Variants in SNTG2 observed in about 807,000 individuals in gnomAD.
The protein encoded by SNTG2 is gamma-2-syntrophin.
A neutral mutation model predicts 70.9 loss-of-function variants in SNTG2; 74 were observed. That is an observed-to-expected ratio of 1.04 (90% CI 0.86 to 1.27). The LOEUF (loss-of-function observed/expected upper bound fraction) is 1.27. SNTG2 is among the 50% of genes most tolerant of loss of function. The pLI is 0.00. For synonymous variants in SNTG2, 278 were observed against 273.8 expected, an observed-to-expected ratio of 1.02 and a Z score of -0.15; for missense variants, 717 against 690.7, an observed-to-expected ratio of 1.04 and a Z score of -0.43.
chr2:954,900 C>A (rs936919818), intron 1 of SNTG2, among the ~76,000 whole-genome samples: 1 of 152,198 alleles, frequency 6.6e-6, no homozygotes, highest in African/African-American at 2.4e-5. Context: ...ATTAGAATTA[C>A]ATGTTAAAAT....
At chr2:1,172,700 CT>C (rs747907991) in intron 7 of SNTG2, among the ~76,000 whole-genome samples, 29 of 152,262 alleles carry the variant, frequency 1.9e-4, no homozygotes, top group South Asian at 4.1e-4. Context: ...TGGAAAAAAC[CT>C]TTTGAGTGGC....
At chr2:1,222,480 A>T in intron 9 of SNTG2, among the ~76,000 whole-genome samples, 1 of 141,458 alleles carries the variant, frequency 7.1e-6, no homozygotes, top group Non-Finnish European at 1.5e-5. Context: ...GGATCGCTGT[A>T]GAGGAAAGTG....
intron 1 of SNTG2, among the ~76,000 whole-genome samples, chr2:1,082,648 C>T (rs1242783847): frequency 6.6e-6 from 1 of 152,210 alleles, no homozygotes; most frequent in Non-Finnish European, 1.5e-5. Flanking sequence ...CCCTGGCTGC[C>T]ACCCCTGCTC....
intron 16 of SNTG2, among the ~76,000 whole-genome samples, chr2:1,357,189 A>G (rs1660898177): frequency 6.6e-6 from 1 of 152,140 alleles, no homozygotes; most frequent in Non-Finnish European, 1.5e-5. Flanking sequence ...TAGGATGTCT[A>G]GCGCTGTGTT....
intron 16 of SNTG2, among the ~76,000 whole-genome samples, chr2:1,356,104 T>C (rs552166061): frequency 6.6e-6 from 1 of 152,346 alleles, no homozygotes; most frequent in Admixed American, 6.5e-5. Flanking sequence ...TGATTAGATA[T>C]GGTTTGTAGG....
At chr2:1,278,949 C>T (rs1679390448) in intron 14 of SNTG2, among the ~76,000 whole-genome samples, 1 of 150,330 alleles carries the variant, frequency 6.7e-6, no homozygotes, top group Non-Finnish European at 1.5e-5. Context: ...GTGCGCGAAT[C>T]ACCCCTGTCA....
At chr2:1,150,330 GTCTGTCAC>G (rs1484935308) in intron 6 of SNTG2, among the ~76,000 whole-genome samples, 2 of 152,154 alleles carry the variant, frequency 1.3e-5, no homozygotes, top group Non-Finnish European at 2.9e-5. Flanking sequence ...CGAAAAGGCT[GTCTGTCAC>G]TCATGAGTGA....
chr2:1,119,528 C>G (rs1558423291), intron 4 of SNTG2, among the ~76,000 whole-genome samples: 1 of 148,422 alleles, frequency 6.7e-6, no homozygotes, highest in Non-Finnish European at 1.5e-5. Flanking sequence ...AGAACATAAA[C>G]TGTGGAGGAG....
At chr2:1,226,563 C>G (rs538299163) in intron 9 of SNTG2, among the ~76,000 whole-genome samples, 1 of 152,018 alleles carries the variant, frequency 6.6e-6, no homozygotes, top group African/African-American at 2.4e-5. Flanking sequence ...CTCCTGGACA[C>G]GGAAGCCTGT....
At chr2:1,214,890 T>G (rs1674279949) in intron 9 of SNTG2, among the ~76,000 whole-genome samples, 1 of 152,226 alleles carries the variant, frequency 6.6e-6, no homozygotes, top group African/African-American at 2.4e-5. Context: ...TGTTCTTTAT[T>G]GTGTTGAAGT....
At chr2:1,328,891 A>G (rs1327992017) in intron 16 of SNTG2, among the ~76,000 whole-genome samples, 3 of 147,520 alleles carry the variant, frequency 2.0e-5, no homozygotes, top group African/African-American at 7.6e-5. Context: ...ACGCATACAC[A>G]CATGCATGCA....
chr2:1,138,604 T>A (rs1478857889), intron 6 of SNTG2, among the ~76,000 whole-genome samples: 1 of 151,866 alleles, frequency 6.6e-6, no homozygotes, highest in African/African-American at 2.4e-5. Context: ...CCTGTGCTGA[T>A]AAGTGACCTG....
intron 1 of SNTG2, among the ~76,000 whole-genome samples, chr2:1,044,137 C>G (rs919552269): frequency 3.9e-5 from 6 of 151,984 alleles, no homozygotes; most frequent in South Asian, 2.1e-4. Context: ...CGCTGCCCCC[C>G]CACCCCGGTT....
rs115976356 is a variant in SNTG2 at position 1,109,362 on chromosome 2, G to A, written c.325+10952G>A. On this transcript the variant is annotated intron_variant, in intron 4 of 16. Transcript: ENST00000308624. ...AGCCAGGCTCCATATAACACACAGA[G>A]AAAGGATGATGAAAACCACATGCTG... Among the ~76,000 whole-genome samples the A allele has an allele frequency of 5.8e-3, 876 of 152,162 alleles. 13 individuals are homozygous for A. Among genetic ancestry groups the A allele is most frequent in the African/African-American group, 0.02 (842 of 41,494 alleles).
chr2:1,284,115 A>T (rs996850433), intron 14 of SNTG2, among the ~76,000 whole-genome samples: 16 of 152,170 alleles, frequency 1.1e-4, no homozygotes, highest in African/African-American at 3.6e-4. Flanking sequence ...AGCGGGCTGC[A>T]GCTGGCAATT....
At chr2:1,160,052 C>G (rs1310622261) in intron 6 of SNTG2, 2 of 152,260 alleles carry the variant, frequency 1.3e-5, no homozygotes, top group Middle Eastern at 3.4e-3. Flanking sequence ...AAGAAAGTAT[C>G]ATGTCTAACA....
intron 2 of SNTG2, among the ~76,000 whole-genome samples, chr2:1,084,914 C>A (rs1664579930): frequency 2.6e-5 from 4 of 152,210 alleles, no homozygotes; most frequent in Admixed American, 2.6e-4. Context: ...GCCCTCATGG[C>A]TCAGTCACCT....
intron 1 of SNTG2, among the ~76,000 whole-genome samples, chr2:1,071,924 G>A (rs1401198300): frequency 1.3e-5 from 2 of 152,310 alleles, no homozygotes; most frequent in East Asian, 1.9e-4. Flanking sequence ...TCCATAGCAA[G>A]GCCCTAACTC....
intron 9 of SNTG2, among the ~76,000 whole-genome samples, chr2:1,217,262 G>A (rs762546232): frequency 1.1e-4 from 17 of 152,118 alleles, no homozygotes; most frequent in South Asian, 4.2e-4. Context: ...TTACAAGCCC[G>A]TGCACTGGCA....
Sources: gnomAD v4.1 joint callset for allele counts (sites outside exome capture counted in the v4.1 genomes callset) on GRCh38, gnomAD v4.1.1 for gene constraint, MANE v1.5 for transcripts, NCBI Gene and HGNC (gene_info 2026-07-23, HGNC 2026-07-21) for gene names.